The following SLC39A11 variants were observed in gnomAD, a reference collection of about 807,000 sequenced individuals.
The protein encoded by SLC39A11 is zinc transporter ZIP11.
Under a neutral mutation model 36.1 loss-of-function variants are expected in SLC39A11, and 33 were observed. The observed-to-expected ratio is 0.91, with a 90% CI of 0.69 to 1.22. The LOEUF (loss-of-function observed/expected upper bound fraction) is 1.22. Among genes scored for constraint, SLC39A11 ranks in the 50% most tolerant of loss-of-function variants. The pLI is 0.00. For synonymous variants in SLC39A11, 166 were observed against 170.3 expected (o/e 0.97, Z 0.20); for missense variants, 432 against 430.3 (o/e 1.00, Z -0.03).
At chr17:72,757,113 C>G (rs990738152) in intron 6 of SLC39A11, among the ~76,000 whole-genome samples, 1 of 151,892 alleles carries the variant, frequency 6.6e-6, no homozygotes, top group African/African-American at 2.4e-5. Context: ...TTGCAGTGAG[C>G]CGAGATCACG....
intron 4 of SLC39A11, among the ~76,000 whole-genome samples, chr17:73,026,202 A>AAGAGAAGAGAAGAGAAGAGAAGAGG (rs2148633322): frequency 1.3e-5 from 2 of 149,776 alleles, no homozygotes; most frequent in South Asian, 4.4e-4. Context: ...AAGAGAAGGG[A>AAGAGAAGAGAAGAGAAGAGAAGAGG]AGAGAAGAGA....
chr17:72,679,903 G>T (rs1011983549), intron 7 of SLC39A11, among the ~76,000 whole-genome samples: 1 of 151,950 alleles, frequency 6.6e-6, no homozygotes, highest in Non-Finnish European at 1.5e-5. Context: ...TTAGCTGGGC[G>T]TGGTGGCGCA....
At chr17:73,014,432 G>A (rs1201085309) in intron 4 of SLC39A11, among the ~76,000 whole-genome samples, 2 of 152,202 alleles carry the variant, frequency 1.3e-5, no homozygotes, top group African/African-American at 4.8e-5. Flanking sequence ...CCAGGTGGAA[G>A]AACTGCTTGA....
chr17:73,056,208 A>G (rs1359992353), intron 3 of SLC39A11, among the ~76,000 whole-genome samples: 1 of 150,894 alleles, frequency 6.6e-6, no homozygotes, highest in Non-Finnish European at 1.5e-5. Context: ...TCGCTCTGTC[A>G]CCCAGGCTGG....
In SLC39A11 at chr17:72,678,976, G is replaced by A. The variant is rs114538610; in HGVS notation, c.672-29708C>T. Among the ~76,000 whole-genome samples, 1,016 of 152,268 alleles carry A rather than the reference G, an allele frequency of 6.7e-3. 11 individuals carry two copies. The highest frequency in any genetic ancestry group is 0.024 in the African/African-American group (979 of 41,548). On this transcript the variant is annotated intron_variant, in intron 7 of 9. Coordinates refer to ENST00000255559, the MANE Select transcript of SLC39A11 (RefSeq NM_139177.4). ...GAGATCGTGTCATCTGCAGCAACAC[G>A]GATGGAACTGGAGGCCATTATGTTA... is the stretch of plus-strand genomic sequence containing the variant.
chr17:73,024,145 G>A (rs1254851070), intron 4 of SLC39A11, among the ~76,000 whole-genome samples: 1 of 152,178 alleles, frequency 6.6e-6, no homozygotes, highest in Non-Finnish European at 1.5e-5. Flanking sequence ...CTTTGGCCTG[G>A]GGCTGCCCAA....
chr17:72,654,788 C>G (rs956869914), intron 7 of SLC39A11, among the ~76,000 whole-genome samples: 6 of 152,238 alleles, frequency 3.9e-5, no homozygotes, highest in African/African-American at 1.4e-4. Context: ...CACAGGCAGG[C>G]ACACGAAGGT....
intron 6 of SLC39A11, among the ~76,000 whole-genome samples, chr17:72,785,132 C>T (rs112041329): frequency 0.073 from 11,101 of 152,182 alleles, 424 homozygotes; most frequent in African/African-American, 0.087. Flanking sequence ...TCCCAAAGTG[C>T]TGGGATTACA....
At chr17:73,028,311 G>A (rs560994032) in intron 4 of SLC39A11, among the ~76,000 whole-genome samples, 1 of 152,074 alleles carries the variant, frequency 6.6e-6, no homozygotes, top group Non-Finnish European at 1.5e-5. Context: ...CAACCGCAAC[G>A]ACTCAAGATC....
chr17:72,767,095 G>GACC (rs2075784142), intron 6 of SLC39A11, among the ~76,000 whole-genome samples: 1 of 152,188 alleles, frequency 6.6e-6, no homozygotes, highest in African/African-American at 2.4e-5. Flanking sequence ...GAGAGCTCCT[G>GACC]ACCAAAATCG....
At chr17:72,744,720 C>T (rs1172077443) in intron 6 of SLC39A11, among the ~76,000 whole-genome samples, 3 of 152,128 alleles carry the variant, frequency 2.0e-5, no homozygotes, top group East Asian at 1.9e-4. Flanking sequence ...GCCTCTCTCT[C>T]GGGCTTCTTT....
intron 7 of SLC39A11, among the ~76,000 whole-genome samples, chr17:72,649,646 T>G (rs1021770279): frequency 2.1e-4 from 31 of 147,216 alleles, no homozygotes; most frequent in African/African-American, 7.8e-4. Context: ...TTCTTTTTCT[T>G]TTTTTTTTTT....
At chr17:72,960,766 G>A (rs1394201567) in intron 4 of SLC39A11, among the ~76,000 whole-genome samples, 2 of 151,856 alleles carry the variant, frequency 1.3e-5, no homozygotes, top group African/African-American at 4.8e-5. Context: ...AGCCATGATC[G>A]CACCACTGTA....
At chr17:72,922,362 T>C (rs1318808066) in intron 5 of SLC39A11, among the ~76,000 whole-genome samples, 1 of 152,220 alleles carries the variant, frequency 6.6e-6, no homozygotes, top group Non-Finnish European at 1.5e-5. Flanking sequence ...ATCCAGAACA[T>C]ATAGTGCTCT....
At chr17:72,693,190 T>A (rs1057280163) in intron 7 of SLC39A11, among the ~76,000 whole-genome samples, 1 of 152,196 alleles carries the variant, frequency 6.6e-6, no homozygotes, top group Non-Finnish European at 1.5e-5. Flanking sequence ...CATGAAGACA[T>A]GCCCTTTGGC....
chr17:72,849,342 G>C (rs1344454552), intron 6 of SLC39A11, among the ~76,000 whole-genome samples: 1 of 152,172 alleles, frequency 6.6e-6, no homozygotes, highest in Non-Finnish European at 1.5e-5. Context: ...ACCCTCCACA[G>C]CAATCATGTA....
At chr17:73,006,520 G>A (rs1299501924) in intron 4 of SLC39A11, among the ~76,000 whole-genome samples, 1 of 152,132 alleles carries the variant, frequency 6.6e-6, no homozygotes, top group East Asian at 1.9e-4. Context: ...TGGCTACAAA[G>A]CCTAAAATAT....
intron 4 of SLC39A11, among the ~76,000 whole-genome samples, chr17:73,030,546 T>A (rs556309512): frequency 1.5e-4 from 23 of 152,312 alleles, no homozygotes; most frequent in African/African-American, 5.5e-4. Context: ...GAGTCTGACT[T>A]AATCCTGTCT....
intron 6 of SLC39A11, among the ~76,000 whole-genome samples, chr17:72,755,883 T>C (rs2075352028): frequency 6.6e-6 from 1 of 152,200 alleles, no homozygotes; most frequent in African/African-American, 2.4e-5. Flanking sequence ...GATGCCAAAC[T>C]GAACTAGGGT....
Sources: allele counts gnomAD v4.1 joint callset (sites outside exome capture counted in the v4.1 genomes callset), GRCh38; gene constraint gnomAD v4.1.1; transcripts MANE v1.5; gene names NCBI Gene and HGNC (gene_info 2026-07-23, HGNC 2026-07-21).